DNM2: variants seen among roughly 807,000 people sequenced by gnomAD.
The protein encoded by DNM2 is dynamin-2.
Under a neutral mutation model 99.0 loss-of-function variants are expected in DNM2, and 15 were observed. That is an observed-to-expected ratio of 0.15 (90% confidence interval 0.10 to 0.23). DNM2 has a LOEUF of 0.23. Among genes scored for constraint, DNM2 ranks in the 10% least tolerant of loss-of-function variants. The pLI is 1.00. For missense variants in DNM2, 742 were observed against 1,189.4 expected, an observed-to-expected ratio of 0.62 and a Z score of 5.53; for synonymous variants, 525 against 481.2, an observed-to-expected ratio of 1.09 and a Z score of -1.19.
At chr19:10,726,528 G>C (rs2069121550) in intron 1 of DNM2, among the ~76,000 whole-genome samples, 1 of 152,092 alleles carries the variant, frequency 6.6e-6, no homozygotes, top group African/African-American at 2.4e-5. Context: ...AGTTGTTCCT[G>C]GTTCCTTTCT....
At chr19:10,752,058 G>A (rs1156958804) in intron 1 of DNM2, among the ~76,000 whole-genome samples, 1 of 152,126 alleles carries the variant, frequency 6.6e-6, no homozygotes, top group African/African-American at 2.4e-5. Context: ...TTGAATTTTT[G>A]TAGATAAGGT....
intron 1 of DNM2, among the ~76,000 whole-genome samples, chr19:10,751,059 C>T (rs886912387): frequency 6.6e-6 from 1 of 151,612 alleles, no homozygotes; most frequent in Admixed American, 6.6e-5. Context: ...GTATGTGAGC[C>T]AGAACAAAAT....
intron 1 of DNM2, chr19:10,718,685 C>T: frequency 3.4e-6 from 1 of 291,850 alleles, no homozygotes; most frequent in Non-Finnish European, 6.1e-6. Context: ...TCCCAGCTTT[C>T]GTGGGTGAAG....
chr19:10,798,128 G>A (rs1028928822), intron 10 of DNM2, among the ~76,000 whole-genome samples: 3 of 152,140 alleles, frequency 2.0e-5, no homozygotes, highest in South Asian at 2.1e-4. Flanking sequence ...TCACGCTGGC[G>A]AGGCCCTTCA....
chr19:10,718,364 G>T lies in DNM2; in HGVS notation c.122G>T (p.Ser41Ile). 6.6e-7 allele frequency: 1 copy of T among 1,521,956 alleles called. No individual in the cohort carries two copies. Among genetic ancestry groups the T allele is most frequent in the Non-Finnish European group, 8.8e-7 (1 of 1,136,880 alleles). The allele number at this position is 1,521,956 out of a possible 1,614,324, so 94.3% of individuals were successfully genotyped here. The change falls in exon 1 of 21, where the codon AGC (serine) becomes ATC (isoleucine). Residue 41 changes from serine to isoleucine, a missense_variant. Ser to Ile is a moderately radical substitution (Grantham distance 142). Coordinates refer to ENST00000389253, the MANE Select transcript of DNM2 (RefSeq NM_001005361.3). The part of the protein sequence containing the change: ...LPQIAVVGGQ[S>I]AGKSSVLENF... ...CAGATCGCTGTAGTGGGCGGCCAGAGCGCCGGCAAGAGCTCGGTGCTGGAG... is the reference window on the plus strand; with the variant it reads ...CAGATCGCTGTAGTGGGCGGCCAGATCGCCGGCAAGAGCTCGGTGCTGGAG...
intron 1 of DNM2, among the ~76,000 whole-genome samples, chr19:10,752,781 G>T (rs962126553): frequency 5.3e-5 from 8 of 152,182 alleles, no homozygotes; most frequent in African/African-American, 1.9e-4. Flanking sequence ...ATAGGCAGGT[G>T]CAGTGGGGTC....
At position 10,775,687 on chromosome 19, in the gene DNM2, C is replaced by G. The variant is rs2145924327; in HGVS notation, c.386-16C>G. 1.2e-6 allele frequency: 2 copies of G among 1,614,108 alleles called. No homozygotes were observed. The highest frequency in any genetic ancestry group is 4.5e-5 in the East Asian group (2 of 44,862). On this transcript the variant is annotated splice_polypyrimidine_tract_variant and intron_variant, in intron 3 of 20. Coordinates refer to ENST00000389253, the MANE Select transcript of DNM2 (RefSeq NM_001005361.3). The surrounding 1 kb of genome is among the most constrained non-coding windows in gnomAD (Gnocchi z 4.3). ...CTCCTGGCTCTGAATGCCTTTCCTT[C>G]TGGTTTCCCTCCCAGTGTTGAACTT...
At chr19:10,829,688 C>T (rs1018676666) in intron 19 of DNM2, among the ~76,000 whole-genome samples, 1 of 152,118 alleles carries the variant, frequency 6.6e-6, no homozygotes, top group Non-Finnish European at 1.5e-5. Flanking sequence ...TTGAGGCCGT[C>T]GGGCAGGGAA....
intron 5 of DNM2, among the ~76,000 whole-genome samples, chr19:10,779,527 T>TTTTTTTTTTTTTTTTTTTTTTTTTTTTTG (rs1846541106): frequency 7.3e-6 from 1 of 136,864 alleles, no homozygotes; most frequent in Admixed American, 7.5e-5. Flanking sequence ...TTTTTTTTTT[T>TTTTTTTTTTTTTTTTTTTTTTTTTTTTTG]GACGATGTCT....
At chr19:10,723,575 C>T (rs1468713447) in intron 1 of DNM2, among the ~76,000 whole-genome samples, 1 of 152,216 alleles carries the variant, frequency 6.6e-6, no homozygotes, top group African/African-American at 2.4e-5. Flanking sequence ...GCCCCGTCTT[C>T]TTTAAAATAG....
In DNM2 at chr19:10,811,413, G is replaced by A; in HGVS notation, c.1558-851G>A. 1 of 298,108 alleles carries A rather than the reference G, an allele frequency of 3.4e-6. No individual in the cohort carries two copies. The highest frequency in any genetic ancestry group is 6.7e-6 in the Non-Finnish European group (1 of 149,486). 18.5% of individuals were successfully genotyped at this position (298,108 alleles called of 1,614,324 possible). A position where few individuals can be genotyped will look rare whatever the true frequency, so the allele number is the denominator to read the frequency against. On this transcript the variant is annotated intron_variant, in intron 14 of 20. Transcript: ENST00000389253. The surrounding 1 kb of genome is among the most constrained non-coding windows in gnomAD (Gnocchi z 5.4). ...ATCTCTGGCGCTCCTGCCGTGCCGT[G>A]CCCTGCCATGCCCTGCACTGGGGGA...
rs779502758 is a variant in DNM2, at chr19:10,718,275, G to A, written c.33G>A (p.Pro11=). 31 of 1,494,140 alleles carry A rather than the reference G, an allele frequency of 2.1e-5. No homozygotes were observed. Among genetic ancestry groups the A allele is most frequent in the East Asian group, 2.9e-5 (1 of 34,216 alleles). The allele number at this position is 1,494,140 out of a possible 1,614,324, so 92.6% of individuals were successfully genotyped here. A position where few individuals can be genotyped will look rare whatever the true frequency, so the allele number is the denominator to read the frequency against. MGNRGMEELI[P]LVNKLQDAFS... ...ACCGCGGGATGGAAGAGCTGATCCC[G>A]CTGGTCAACAAACTGCAGGACGCCT... The change falls in exon 1 of 21, where the codon CCG becomes CCA. Residue 11 remains proline, a synonymous_variant. Coordinates refer to ENST00000389253, the MANE Select transcript of DNM2 (RefSeq NM_001005361.3).
rs2073279439 is a variant in DNM2, at chr19:10,830,022, T to C, written c.2292-105T>C. The C allele has an allele frequency of 6.5e-7, 1 of 1,536,238 alleles. No homozygotes were observed. On this transcript the variant is annotated intron_variant, in intron 19 of 20. Transcript: ENST00000389253. This position sits in a 1 kb window ranked among gnomAD's most constrained non-coding sequence, Gnocchi z 4.8. ...TGGGAGGATCCCACTGCGCCTGCGC[T>C]GTCCCCATAGCCAGCCCCCACCTCA...
chr19:10,773,716 C>T (rs1451523005), intron 3 of DNM2, among the ~76,000 whole-genome samples: 4 of 151,864 alleles, frequency 2.6e-5, no homozygotes, highest in African/African-American at 9.7e-5. Context: ...AATCCACCCA[C>T]CTCAGACTCC....
intron 1 of DNM2, among the ~76,000 whole-genome samples, chr19:10,725,427 C>T (rs2069080932): frequency 7.6e-6 from 1 of 132,182 alleles, no homozygotes; most frequent in Non-Finnish European, 1.6e-5. Context: ...GCCTGGGGGA[C>T]AGAGTGAGAC....
At chr19:10,750,869 C>T (rs2070168168) in intron 1 of DNM2, among the ~76,000 whole-genome samples, 2 of 151,790 alleles carry the variant, frequency 1.3e-5, no homozygotes, top group African/African-American at 2.4e-5. Flanking sequence ...CCACTACACT[C>T]CAGCCTGGGT....
At chr19:10,804,849 T>C (rs986077655) in intron 12 of DNM2, among the ~76,000 whole-genome samples, 1 of 152,220 alleles carries the variant, frequency 6.6e-6, no homozygotes, top group Non-Finnish European at 1.5e-5. Context: ...TACAGCCAAC[T>C]TGGACTTTAA....
intron 11 of DNM2, among the ~76,000 whole-genome samples, chr19:10,802,023 A>G (rs1238168037): frequency 2.0e-5 from 3 of 152,244 alleles, no homozygotes; most frequent in Non-Finnish European, 2.9e-5. Flanking sequence ...CACACGGCCA[A>G]TTAGTGGCTC....
At chr19:10,758,534 C>CTCCCTCCCT (rs1026599450) in intron 1 of DNM2, among the ~76,000 whole-genome samples, 1 of 123,924 alleles carries the variant, frequency 8.1e-6, no homozygotes, top group Non-Finnish European at 1.7e-5. Flanking sequence ...CTTCCCTCCC[C>CTCCCTCCCT]TCCCTCCCTT....
Sources: gnomAD v4.1 joint callset for allele counts (sites outside exome capture counted in the v4.1 genomes callset) on GRCh38, gnomAD v4.1.1 for gene constraint, Gnocchi (gnomAD v3.1) non-coding constraint, MANE v1.5 for transcripts, NCBI Gene and HGNC (gene_info 2026-07-23, HGNC 2026-07-21) for gene names.